NCOR2: variants seen among roughly 807,000 people sequenced by gnomAD.
NCOR2 encodes the protein nuclear receptor corepressor 2.
NCOR2 carries 81 observed loss-of-function variants against 262.9 expected under a neutral mutation model. The ratio of observed to expected loss-of-function variants is 0.31; its 90% CI spans 0.26 to 0.37. The LOEUF (loss-of-function observed/expected upper bound fraction) is 0.37, where lower values mean the gene tolerates loss of function less well. Among genes scored for constraint, NCOR2 ranks in the 10% least tolerant of loss-of-function variants. The pLI, the probability that NCOR2 is intolerant of heterozygous loss-of-function variation, is 1.00. For synonymous variants in NCOR2, 1,659 were observed against 1,559.3 expected (o/e 1.06, Z -1.51); for missense variants, 3,385 against 3,621.4 (o/e 0.93, Z 1.68).
At chr12:124,348,439 G>A (rs927999687) in intron 28 of NCOR2, 125 bp from the exon 31 acceptor site, 10 of 1,319,964 alleles carry the variant, frequency 7.6e-6, no homozygotes, top group African/African-American at 4.5e-5. Flanking sequence ...CCGTCACAAA[G>A]CCTCACAGCC....
At chr12:124,498,119 C>T (rs1463337934), upstream of NCOR2, among the ~76,000 whole-genome samples, 1 of 152,218 alleles carries the variant, frequency 6.6e-6, no homozygotes, top group Non-Finnish European at 1.5e-5. Flanking sequence ...CCGAGGTCTG[C>T]CCCTCTTTCA....
rs1164359979 is a variant in NCOR2 at position 124,548,719 on chromosome 12, G to A, written c.-164-13108C>T. 6.6e-6 allele frequency among the ~76,000 whole-genome samples: 1 copy of A among 151,916 alleles called. No individual in the cohort carries two copies. The highest frequency in any genetic ancestry group is 1.9e-4 in the East Asian group (1 of 5,190). The stretch of plus-strand genomic sequence containing the variant: ...CCCCACCCCAGGGATGTTTTTGGCT[G>A]CCCCATGACTGGCTCATGGCCTTTG... On this transcript the variant is annotated intron_variant, in intron 1 of 32. Coordinates refer to the NCOR2 transcript ENST00000458234. The surrounding 1 kb of genome is among the most constrained non-coding windows in gnomAD (Gnocchi z 5.1).
At chr12:124,534,056 G>T (rs566385043) in intron 1 of NCOR2, among the ~76,000 whole-genome samples, 1 of 151,888 alleles carries the variant, frequency 6.6e-6, no homozygotes, top group East Asian at 1.9e-4. Flanking sequence ...TGGTGTAGCC[G>T]ACGGTTCCCA....
intron 3 of NCOR2, among the ~76,000 whole-genome samples, chr12:124,479,184 C>T (rs896680610): frequency 2.0e-5 from 3 of 152,218 alleles, no homozygotes; most frequent in African/African-American, 7.2e-5. Flanking sequence ...GTTGGTCACC[C>T]TCCAAGGCTG....
At chr12:124,458,538 G>A (rs867991434) in intron 5 of NCOR2, among the ~76,000 whole-genome samples, 27 of 152,280 alleles carry the variant, frequency 1.8e-4, no homozygotes, top group African/African-American at 6.3e-4. Context: ...AGAAGAGCAG[G>A]GGAGAACTAT....
At chr12:124,404,834 G>A (rs939142015) in intron 13 of NCOR2, among the ~76,000 whole-genome samples, 5 of 152,224 alleles carry the variant, frequency 3.3e-5, no homozygotes, top group South Asian at 2.1e-4. Flanking sequence ...AAAACGCCAC[G>A]AGTAACACCC....
chr12:124,402,679 C>A (rs1316167685), intron 13 of NCOR2, 118 bp from the exon 16 acceptor site: 54 of 1,510,792 alleles, frequency 3.6e-5, no homozygotes, highest in Non-Finnish European at 4.6e-5. Context: ...CCCGTGGAGT[C>A]CACCCAGAAG....
chr12:124,406,919 G>C lies in NCOR2; in HGVS notation c.1483-4358C>G, dbSNP rs1047787068. ...AAAGCTCGCTGAGCACATTTGATGA[G>C]GCCTTCTTCTCCTAATCACTTCCTA... On this transcript the variant is annotated intron_variant, in intron 13 of 46. Coordinates refer to ENST00000405201, the Ensembl canonical transcript of NCOR2. Among the ~76,000 whole-genome samples, 11 of 152,350 alleles carry C rather than the reference G, an allele frequency of 7.2e-5. 1 individual carries two copies. Among genetic ancestry groups the C allele is most frequent in the Admixed American group, 3.3e-4 (5 of 15,302 alleles).
At chr12:124,370,620 G>A (rs576613116) in intron 20 of NCOR2, among the ~76,000 whole-genome samples, 11 of 152,362 alleles carry the variant, frequency 7.2e-5, no homozygotes, top group African/African-American at 1.2e-4. Flanking sequence ...CGCAGTCTCC[G>A]CGGGTCTGCC....
chr12:124,364,257 G>A (rs939058628), intron 20 of NCOR2, among the ~76,000 whole-genome samples: 1 of 152,242 alleles, frequency 6.6e-6, no homozygotes, highest in African/African-American at 2.4e-5. Flanking sequence ...CCGATTCAGG[G>A]ACAGAGAAAT....
exon 19 of NCOR2, chr12:124,374,418 C>T (rs1565887231): frequency 6.2e-7 from 1 of 1,612,868 alleles, no homozygotes; most frequent in African/African-American, 1.3e-5. Flanking sequence ...CGTACCTGGG[C>T]CACTGCATTC....
intron 1 of NCOR2, among the ~76,000 whole-genome samples, chr12:124,488,801 C>A (rs760384642): frequency 2.6e-5 from 4 of 152,212 alleles, no homozygotes; most frequent in African/African-American, 9.7e-5. Flanking sequence ...GCAGGGCGGA[C>A]GGTCCAGTCC....
At chr12:124,492,360 G>C (rs1593805099) in intron 1 of NCOR2, among the ~76,000 whole-genome samples, 1 of 152,188 alleles carries the variant, frequency 6.6e-6, no homozygotes, top group African/African-American at 2.4e-5. Context: ...CACTCAGCAA[G>C]CTGAACACGG....
At chr12:124,334,541 A>G in exon 41 of NCOR2, 1 of 1,420,136 alleles carries the variant, frequency 7.0e-7, no homozygotes, top group Non-Finnish European at 9.2e-7. Context: ...GGCCCCAGGG[A>G]AGGAGTAGAG....
chr12:124,346,672 C>T lies in NCOR2; in HGVS notation c.4251G>A (p.Thr1417=), dbSNP rs554225839. Residue 1417 remains threonine (T), a synonymous_variant, in exon 31 of 47, where the codon ACG becomes ACA. Coordinates refer to ENST00000405201, the Ensembl canonical transcript of NCOR2. The stretch of plus-strand genomic sequence containing the variant: ...GGATGGAGCGGCCCGCCTCCTTCAC[C>T]GTGGCCACCAGGCCCTCATGGGCCG... 5.2e-5 allele frequency: 82 copies of T among 1,580,218 alleles called. No homozygotes were observed. The Admixed American group carries it at 5.3e-4, about 10-fold the overall frequency.
chr12:124,426,849 C>T (rs751068434), intron 10 of NCOR2, 49 bp from the exon 13 acceptor site: 67 of 1,496,470 alleles, frequency 4.5e-5, no homozygotes, highest in South Asian at 6.9e-5. Flanking sequence ...CGAGGTGCTC[C>T]GGCCGGCGCA....
intron 39 of NCOR2, 31 bp from the exon 42 acceptor site, chr12:124,335,311 G>T: frequency 6.5e-7 from 1 of 1,547,402 alleles, no homozygotes; most frequent in Admixed American, 1.9e-5. Flanking sequence ...GTCAGGGGGT[G>T]TCTGCTGGCC....
chr12:124,368,066 A>G (rs1339485136), intron 20 of NCOR2, among the ~76,000 whole-genome samples: 3 of 152,176 alleles, frequency 2.0e-5, no homozygotes. Context: ...CCAGCCCTGC[A>G]GTTGCGAGCA....
At chr12:124,333,871 TGTGTGCGGGTGTGCATGTGTGTGTGC>T (rs2035524334) in intron 41 of NCOR2, among the ~76,000 whole-genome samples, 1 of 91,790 alleles carries the variant, frequency 1.1e-5, no homozygotes, top group African/African-American at 4.2e-5. Flanking sequence ...TGTGTGCGCA[TGTGTGCGGGTGTGCATGTGTGTGTGC>T]GCGCGCATGT....
Sources: gnomAD v4.1 joint callset for allele counts (sites outside exome capture counted in the v4.1 genomes callset) on GRCh38, gnomAD v4.1.1 for gene constraint, Gnocchi (gnomAD v3.1) non-coding constraint, MANE v1.5 for transcripts, NCBI Gene and HGNC (gene_info 2026-07-23, HGNC 2026-07-21) for gene names.